The following PXDN variants were observed in gnomAD, a reference collection of about 807,000 sequenced individuals.
The protein encoded by PXDN is peroxidasin homolog.
A neutral mutation model predicts 140.3 loss-of-function variants in PXDN; 77 were observed. The observed-to-expected ratio is 0.55, with a 90% CI of 0.46 to 0.66. The LOEUF is 0.66. Ranked by LOEUF, PXDN falls within the 30% of genes least tolerant of loss-of-function variation. The pLI is 0.00. For synonymous variants in PXDN, 911 were observed against 857.4 expected, an observed-to-expected ratio of 1.06 and a Z score of -1.09; for missense variants, 1,838 against 2,039.5, an observed-to-expected ratio of 0.90 and a Z score of 1.90.
intron 1 of PXDN, among the ~76,000 whole-genome samples, chr2:1,703,416 G>A (rs1381937236): frequency 5.4e-5 from 3 of 55,206 alleles, no homozygotes; most frequent in East Asian, 4.7e-4. Context: ...TCCAGGTGAA[G>A]GAGGGACAAC....
intron 1 of PXDN, among the ~76,000 whole-genome samples, chr2:1,726,142 G>A (rs889312126): frequency 8.6e-5 from 13 of 152,012 alleles, no homozygotes; most frequent in African/African-American, 2.4e-4. Context: ...TGTTTATTGC[G>A]GCACTATTCA....
At chr2:1,650,491 C>A (rs1682988913) in intron 16 of PXDN, among the ~76,000 whole-genome samples, 1 of 152,180 alleles carries the variant, frequency 6.6e-6, no homozygotes, top group Admixed American at 6.5e-5. Flanking sequence ...TGAAAGAGAT[C>A]TTCCTAAGTT....
At chr2:1,718,237 CCTA>C (rs1684939380) in intron 1 of PXDN, among the ~76,000 whole-genome samples, 1 of 151,496 alleles carries the variant, frequency 6.6e-6, no homozygotes, top group African/African-American at 2.4e-5. Context: ...ACTCTACTAA[CCTA>C]CTACGCAAAC....
rs79663262 is a variant in PXDN, at chr2:1,706,639, T to C, written c.201-13505A>G. Among the ~76,000 whole-genome samples the C allele has an allele frequency of 3.4e-4, 23 of 67,154 alleles. 3 individuals are homozygous for C. Among genetic ancestry groups the C allele is most frequent in the African/African-American group, 1.6e-3 (17 of 10,494 alleles). 44.1% of individuals were successfully genotyped at this position (67,154 alleles called of 152,430 possible). A position where few individuals can be genotyped will look rare whatever the true frequency, so the allele number is the denominator to read the frequency against. ...CGCCTGCCCCACTAATAATACAATC[T>C]GAGAGCATGCTTCAGTGTTCACCAA... On this transcript the variant is annotated intron_variant, in intron 1 of 22. Transcript: ENST00000252804.
chr2:1,678,047 C>A (rs527904862), intron 7 of PXDN, among the ~76,000 whole-genome samples: 1 of 152,308 alleles, frequency 6.6e-6, no homozygotes, highest in African/African-American at 2.4e-5. Context: ...TTGCCTCCTT[C>A]CGTCTCCCCA....
chr2:1,704,365 GA>G (rs1160402825), intron 1 of PXDN, among the ~76,000 whole-genome samples: 1 of 94,424 alleles, frequency 1.1e-5, no homozygotes, highest in Non-Finnish European at 2.1e-5. Flanking sequence ...AACTCCAGGT[GA>G]AGGGGGGGCA....
chr2:1,686,722 C>A lies in PXDN; in HGVS notation c.416+910G>T, dbSNP rs1451390556. On this transcript the variant is annotated intron_variant, in intron 4 of 22. Coordinates refer to ENST00000252804, the MANE Select transcript of PXDN (RefSeq NM_012293.3). ...CTGTCCACGCTCACTTGAATCAACA[C>A]ACACTTTCGGAAACATGAGCACCGT... 3.0e-4 allele frequency among the ~76,000 whole-genome samples: 46 copies of A among 152,178 alleles called. 1 individual carries two copies. The highest frequency in any genetic ancestry group is 2.9e-3 in the Admixed American group (44 of 15,278).
At position 1,643,564 on chromosome 2, in the gene PXDN, C is replaced by T. The variant is rs761018812; in HGVS notation, c.3756G>A (p.Glu1252=). The T allele has an allele frequency of 6.8e-6, 11 of 1,613,812 alleles. No homozygotes were observed. In the South Asian group the frequency reaches 1.2e-4, roughly 18 times the overall value. The part of the protein sequence containing the change: ...RLRDGDRLWY[E]NPGVFSPAQL... Reference sequence around the variant, plus strand: ...GGGCCGGGGAGAACACCCCAGGGTTCTCATACCACAACCTGGATCCCCCAA... The same window carrying T: ...GGGCCGGGGAGAACACCCCAGGGTTTTCATACCACAACCTGGATCCCCCAA... Residue 1252 remains glutamate (E), a synonymous_variant, in exon 19 of 23, where the codon GAG becomes GAA. Coordinates refer to ENST00000252804, the MANE Select transcript of PXDN (RefSeq NM_012293.3).
rs1683274699 is a variant in PXDN at position 1,660,346 on chromosome 2, A to T, written c.1837+535T>A. On this transcript the variant is annotated intron_variant, in intron 14 of 22. Transcript: ENST00000252804. The surrounding 1 kb of genome is among the most constrained non-coding windows in gnomAD (Gnocchi z 4.6). ...AGTGGTGGCGGACCAGGATGCAAACAGACAGATGCAGGCATGGAGTCAGGA... is the reference window on the plus strand; with the variant it reads ...AGTGGTGGCGGACCAGGATGCAAACTGACAGATGCAGGCATGGAGTCAGGA... Among the ~76,000 whole-genome samples the T allele has an allele frequency of 6.6e-6, 1 of 152,142 alleles. No individual in the cohort carries two copies. Among genetic ancestry groups the T allele is most frequent in the Non-Finnish European group, 1.5e-5 (1 of 68,010 alleles).
At chr2:1,689,218 C>T (rs1333926217) in intron 3 of PXDN, among the ~76,000 whole-genome samples, 1 of 152,196 alleles carries the variant, frequency 6.6e-6, no homozygotes, top group Admixed American at 6.5e-5. Flanking sequence ...ATATATAAAG[C>T]TCTTACAATA....
At position 1,653,675 on chromosome 2, in the gene PXDN, A is replaced by AT; in HGVS notation, c.2056dup (p.Ile686AsnfsTer64). On this transcript the variant is annotated frameshift_variant, in exon 16 of 23. Coordinates refer to ENST00000252804, the MANE Select transcript of PXDN (RefSeq NM_012293.3). LOFTEE classifies it high-confidence loss of function. ...CAAGCCATGCTGTACATGCTCCTGA[A>AT]TGAGCTGCAATGTCCGTTCAAAGAT... is the stretch of plus-strand genomic sequence containing the variant. 6.2e-7 allele frequency: 1 copy of AT among 1,612,222 alleles called. No homozygotes were observed. Among genetic ancestry groups the AT allele is most frequent in the Non-Finnish European group, 8.5e-7 (1 of 1,179,324 alleles).
intron 1 of PXDN, among the ~76,000 whole-genome samples, chr2:1,722,776 G>A (rs963058655): frequency 1.3e-5 from 2 of 152,216 alleles, no homozygotes; most frequent in Non-Finnish European, 2.9e-5. Flanking sequence ...AGGAAGCAGG[G>A]ACAGGGCTGT....
chr2:1,724,189 T>C, intron 1 of PXDN, among the ~76,000 whole-genome samples: 1 of 152,274 alleles, frequency 6.6e-6, no homozygotes. Flanking sequence ...AAAGTTGTTA[T>C]AGTCTTATTT....
chr2:1,698,359 G>C (rs530755619), intron 1 of PXDN, among the ~76,000 whole-genome samples: 1 of 152,154 alleles, frequency 6.6e-6, no homozygotes, highest in African/African-American at 2.4e-5. Flanking sequence ...GTGCATACAG[G>C]GAACCCTCGA....
At position 1,638,817 on chromosome 2, in the gene PXDN, G is replaced by C. The variant is rs757836352; in HGVS notation, c.4206+29C>G. The C allele has an allele frequency of 6.2e-5, 100 of 1,613,412 alleles. No homozygotes were observed. In the East Asian group the frequency reaches 1.8e-3, roughly 30 times the overall value. On this transcript the variant is annotated intron_variant, in intron 21 of 22. Transcript: ENST00000252804. ...CTGTGCTGCTGTGGAATCTTGGAGT[G>C]GGGGGACACAGGCCGCCAGGCACCT...
At position 1,685,058 on chromosome 2, in the gene PXDN, G is replaced by A. The variant is rs543961334; in HGVS notation, c.417-907C>T. On this transcript the variant is annotated intron_variant, in intron 4 of 22. Transcript: ENST00000252804. This position sits in a 1 kb window ranked among gnomAD's most constrained non-coding sequence, Gnocchi z 5.1. Reference sequence around the variant, plus strand: ...GAAAGGAGGACTCCTCAGAACGCACGCCTGAGAATCAGGTCTGTGGACATC... The same window carrying A: ...GAAAGGAGGACTCCTCAGAACGCACACCTGAGAATCAGGTCTGTGGACATC... 1.5e-4 allele frequency among the ~76,000 whole-genome samples: 23 copies of A among 152,310 alleles called. 1 individual carries two copies. The highest frequency in any genetic ancestry group is 7.7e-4 in the East Asian group (4 of 5,162).
chr2:1,740,786 G>A (rs1000995883), intron 1 of PXDN, among the ~76,000 whole-genome samples: 2 of 149,524 alleles, frequency 1.3e-5, no homozygotes, highest in South Asian at 2.1e-4. Context: ...CCCAGCACAC[G>A]GCGTGGGCCT....
At chr2:1,707,500 A>G (rs1261781014) in intron 1 of PXDN, among the ~76,000 whole-genome samples, 1 of 152,262 alleles carries the variant, frequency 6.6e-6, no homozygotes, top group African/African-American at 2.4e-5. Flanking sequence ...CGAAGTAATC[A>G]GAAAGAAATT....
intron 17 of PXDN, among the ~76,000 whole-genome samples, chr2:1,646,877 T>A (rs1380177434): frequency 6.6e-6 from 1 of 152,210 alleles, no homozygotes; most frequent in Non-Finnish European, 1.5e-5. Context: ...GGGAAAACAC[T>A]GATGAGCAAT....
Sources: allele counts gnomAD v4.1 joint callset (sites outside exome capture counted in the v4.1 genomes callset), GRCh38; gene constraint gnomAD v4.1.1; non-coding constraint Gnocchi (gnomAD v3.1); transcripts MANE v1.5; gene names NCBI Gene and HGNC (gene_info 2026-07-23, HGNC 2026-07-21).